The following STX18 variants were observed in gnomAD, a reference collection of about 807,000 sequenced individuals.
The protein encoded by STX18 is syntaxin-18.
In STX18, 40 loss-of-function variants were observed where a neutral mutation model predicts 50.1. The ratio of observed to expected loss-of-function variants is 0.80; its 90% CI spans 0.62 to 1.04. The LOEUF (loss-of-function observed/expected upper bound fraction) is 1.04. Ranked by LOEUF, STX18 falls within the 50% of genes least tolerant of loss-of-function variation. The pLI is 0.00. For synonymous variants in STX18, 158 were observed against 151.8 expected, an observed-to-expected ratio of 1.04 and a Z score of -0.30; for missense variants, 410 against 415.8, an observed-to-expected ratio of 0.99 and a Z score of 0.12.
chr4:4,429,793 T>C (rs1360725531), intron 7 of STX18, among the ~76,000 whole-genome samples: 1 of 152,228 alleles, frequency 6.6e-6, no homozygotes, highest in African/African-American at 2.4e-5. Flanking sequence ...CCAATCCTTG[T>C]TCTAGATGCA....
chr4:4,472,713 G>T (rs1397577506), intron 1 of STX18, among the ~76,000 whole-genome samples: 1 of 152,072 alleles, frequency 6.6e-6, no homozygotes, highest in Non-Finnish European at 1.5e-5. Flanking sequence ...ACTATGCAAG[G>T]AGGGGCTGCC....
chr4:4,508,584 CGCAGGATGT>C (rs1313325635), intron 1 of STX18, among the ~76,000 whole-genome samples: 1 of 152,016 alleles, frequency 6.6e-6, no homozygotes, highest in Non-Finnish European at 1.5e-5. Flanking sequence ...GGGGTACATG[CGCAGGATGT>C]GCAGGTTTGT....
At position 4,419,981 on chromosome 4, in the gene STX18, C is replaced by G. The variant is rs545955541; in HGVS notation, c.*53G>C. On this transcript the variant is annotated 3_prime_UTR_variant, in exon 11 of 11. Transcript: ENST00000306200. ...CCAGCACTGGAAGTACATGAAAGCA[C>G]GCAGTCTGTGAGTGCCCATGAGGAC... 7.5e-6 allele frequency: 11 copies of G among 1,459,588 alleles called. No individual in the cohort carries two copies. Among genetic ancestry groups the G allele is most frequent in the Non-Finnish European group, 1.0e-5 (11 of 1,058,962 alleles). The allele number at this position is 1,459,588 out of a possible 1,614,324, so 90.4% of individuals were successfully genotyped here. A position where few individuals can be genotyped will look rare whatever the true frequency, so the allele number is the denominator to read the frequency against.
intron 1 of STX18, among the ~76,000 whole-genome samples, chr4:4,514,119 G>A (rs539149052): frequency 6.6e-6 from 1 of 152,092 alleles, no homozygotes; most frequent in African/African-American, 2.4e-5. Context: ...TGTATCAAGC[G>A]GCACCTTGAA....
intron 5 of STX18, among the ~76,000 whole-genome samples, chr4:4,443,064 A>G (rs1193881524): frequency 6.6e-6 from 1 of 152,246 alleles, no homozygotes; most frequent in African/African-American, 2.4e-5. Context: ...GCACTTCCGT[A>G]TATTGATGGT....
chr4:4,472,091 T>G (rs1420370430), intron 1 of STX18, among the ~76,000 whole-genome samples: 1 of 152,240 alleles, frequency 6.6e-6, no homozygotes, highest in Non-Finnish European at 1.5e-5. Flanking sequence ...GGGACAGTTC[T>G]AAAGCTGAAG....
intron 1 of STX18, among the ~76,000 whole-genome samples, chr4:4,505,145 G>A (rs976805395): frequency 2.6e-5 from 4 of 152,100 alleles, no homozygotes; most frequent in Non-Finnish European, 5.9e-5. Flanking sequence ...GCCTGTTCTG[G>A]ACATTTCATA....
rs141565171 is a variant in STX18 at position 4,438,399 on chromosome 4, C to T, written c.608G>A (p.Arg203His). 2.1e-5 allele frequency: 33 copies of T among 1,609,160 alleles called. No homozygotes were observed. The highest frequency in any genetic ancestry group is 7.8e-5 in the South Asian group (7 of 90,154). ...DSEENPATEE[R>H]PEKILAETQP... ...ATTTTCATCTCAATTCGTACCTGGA[C>T]GTTCTTCAGTGGCAGGGTTTTCTTC... The change falls in exon 6 of 11, where the codon CGT becomes CAT. Residue 203 changes from arginine (R) to histidine (H), a missense_variant. By Grantham distance (29) the Arg-to-His change is conservative. Coordinates refer to ENST00000306200, the MANE Select transcript of STX18 (RefSeq NM_016930.4).
intron 1 of STX18, among the ~76,000 whole-genome samples, chr4:4,478,422 T>C (rs1413375483): frequency 6.6e-6 from 1 of 152,202 alleles, no homozygotes; most frequent in African/African-American, 2.4e-5. Flanking sequence ...CAGTGCATTT[T>C]GAGTATCTAT....
intron 1 of STX18, chr4:4,507,798 A>T: frequency 1.1e-6 from 1 of 902,436 alleles, no homozygotes; most frequent in Non-Finnish European, 1.7e-6. Flanking sequence ...AAATGACTAA[A>T]TAAAATATAT....
intron 1 of STX18, among the ~76,000 whole-genome samples, chr4:4,533,511 C>T (rs1481838692): frequency 4.6e-5 from 7 of 152,182 alleles, no homozygotes; most frequent in African/African-American, 1.4e-4. Flanking sequence ...TGACCTATAG[C>T]AGAAGCTCAA....
intron 1 of STX18, among the ~76,000 whole-genome samples, chr4:4,495,434 G>A (rs1165080205): frequency 6.6e-6 from 1 of 151,816 alleles, no homozygotes; most frequent in African/African-American, 2.4e-5. Context: ...CATCACCCAT[G>A]CTGCTGTGCT....
chr4:4,440,088 T>TAAA (rs1226432963), intron 5 of STX18, among the ~76,000 whole-genome samples: 2 of 152,234 alleles, frequency 1.3e-5, no homozygotes, highest in African/African-American at 4.8e-5. Flanking sequence ...AGAAAACGTT[T>TAAA]AGGTTATGCA....
At chr4:4,515,842 C>T (rs1730238613) in intron 1 of STX18, among the ~76,000 whole-genome samples, 1 of 152,092 alleles carries the variant, frequency 6.6e-6, no homozygotes, top group Admixed American at 6.5e-5. Context: ...CCTCCCCAAC[C>T]CCATGCAGTC....
At chr4:4,513,037 A>G (rs1392626441) in intron 1 of STX18, among the ~76,000 whole-genome samples, 2 of 152,196 alleles carry the variant, frequency 1.3e-5, no homozygotes, top group Non-Finnish European at 2.9e-5. Flanking sequence ...AATAATATAC[A>G]TATCAAACGG....
At chr4:4,521,163 A>G (rs927643898) in intron 1 of STX18, among the ~76,000 whole-genome samples, 8 of 152,168 alleles carry the variant, frequency 5.3e-5, no homozygotes, top group African/African-American at 1.9e-4. Context: ...AGGCAAAAAG[A>G]AAAAGTTACT....
chr4:4,438,598 T>A, intron 5 of STX18, 89 bp from the exon 6 acceptor site: 4 of 1,053,158 alleles, frequency 3.8e-6, no homozygotes, highest in Non-Finnish European at 4.2e-6. Context: ...GACCCTGCGC[T>A]TTTGCTCTGT....
chr4:4,514,036 G>C (rs181409035), intron 1 of STX18, among the ~76,000 whole-genome samples: 103 of 152,246 alleles, frequency 6.8e-4, no homozygotes, highest in Non-Finnish European at 1.1e-3. Flanking sequence ...AGAGAATCCA[G>C]CCTAAAGGAG....
intron 1 of STX18, among the ~76,000 whole-genome samples, chr4:4,491,130 A>G (rs531462297): frequency 2.0e-5 from 3 of 151,650 alleles, no homozygotes; most frequent in East Asian, 1.9e-4. Context: ...AAAAAAAAAA[A>G]GAAGGAAAGT....
Sources: allele counts gnomAD v4.1 joint callset (sites outside exome capture counted in the v4.1 genomes callset), GRCh38; gene constraint gnomAD v4.1.1; transcripts MANE v1.5; gene names NCBI Gene and HGNC (gene_info 2026-07-23, HGNC 2026-07-21).